The following VPS13D variants were observed in gnomAD, a reference collection of about 807,000 sequenced individuals.
The protein encoded by VPS13D is vacuolar protein sorting 13 homolog D, also known as intermembrane lipid transfer protein VPS13D.
VPS13D carries 187 observed loss-of-function variants against 461.9 expected under a neutral mutation model. That is an observed-to-expected ratio of 0.40 (90% CI 0.36 to 0.46). The LOEUF is 0.46. Ranked by LOEUF, VPS13D falls within the 20% of genes least tolerant of loss-of-function variation. VPS13D has a pLI of 0.60. For synonymous variants in VPS13D, 1,951 were observed against 1,986.3 expected (o/e 0.98, Z 0.47); for missense variants, 4,711 against 5,364.9 (o/e 0.88, Z 3.81).
intron 65 of VPS13D, among the ~76,000 whole-genome samples, chr1:12,446,784 G>C (rs1404636962): frequency 6.6e-6 from 1 of 152,164 alleles, no homozygotes; most frequent in Non-Finnish European, 1.5e-5. Flanking sequence ...TCCTCCATAG[G>C]CAGCACCTCT....
At chr1:12,464,428 A>T (rs775377354) in intron 67 of VPS13D, among the ~76,000 whole-genome samples, 2 of 152,132 alleles carry the variant, frequency 1.3e-5, no homozygotes, top group Non-Finnish European at 2.9e-5. Flanking sequence ...GTTTTAAAAG[A>T]CCCAAATTTT....
Position 12,341,805 on chromosome 1 carries a change from G to A in VPS13D, c.8652G>A (p.Arg2884=). 6.2e-7 allele frequency: 1 copy of A among 1,613,952 alleles called. No homozygotes were observed. The highest frequency in any genetic ancestry group is 8.5e-7 in the Non-Finnish European group (1 of 1,179,962). Reference sequence around the variant, plus strand: ...CAGAGGTGAAAACCCCCAAGCGCCGGCAGCCATTTGTCCCCTTTGCTCTGA... The same window carrying A: ...CAGAGGTGAAAACCCCCAAGCGCCGACAGCCATTTGTCCCCTTTGCTCTGA... The part of the protein sequence containing the change: ...ARAEVKTPKR[R]QPFVPFALRN... The change falls in exon 41 of 70, where the codon CGG becomes CGA. Residue 2884 remains arginine, a synonymous_variant. Transcript: ENST00000620676.
rs78067031 is a variant in VPS13D at position 12,257,968 on chromosome 1, T to C, written c.975T>C (p.Ala325=). 6.1e-4 allele frequency: 982 copies of C among 1,614,244 alleles called. 3 individuals are homozygous for C. In the African/African-American group the frequency reaches 0.011, roughly 18 times the overall value. The part of the protein sequence containing the change: ...CREWWYFALN[A]NLYEIREQRK... ...AATGGTGGTATTTTGCTTTGAATGC[T>C]AACTTGTATGAGATCAGAGAGCAGA... Residue 325 remains alanine, a synonymous_variant, in exon 10 of 70, where the codon GCT becomes GCC. Transcript: ENST00000620676.
intron 46 of VPS13D, among the ~76,000 whole-genome samples, chr1:12,352,681 C>T (rs1296847053): frequency 6.6e-6 from 1 of 151,910 alleles, no homozygotes; most frequent in Non-Finnish European, 1.5e-5. Context: ...AAGTTAAGTA[C>T]TGGCCGGGCA....
intron 46 of VPS13D, among the ~76,000 whole-genome samples, chr1:12,350,060 T>C (rs1266818316): frequency 6.6e-6 from 1 of 152,198 alleles, no homozygotes; most frequent in East Asian, 1.9e-4. Flanking sequence ...CTGCAAATTG[T>C]TAACAGACTA....
intron 44 of VPS13D, among the ~76,000 whole-genome samples, chr1:12,347,790 C>T (rs922486486): frequency 6.6e-6 from 1 of 152,190 alleles, no homozygotes; most frequent in African/African-American, 2.4e-5. Flanking sequence ...GACACTCATT[C>T]TAAGAGTAGT....
At chr1:12,255,245 A>G (rs1393684763) in intron 7 of VPS13D, among the ~76,000 whole-genome samples, 4 of 152,116 alleles carry the variant, frequency 2.6e-5, no homozygotes, top group Non-Finnish European at 4.4e-5. Context: ...CATGCCCGGC[A>G]GGTTTTTGTT....
intron 60 of VPS13D, among the ~76,000 whole-genome samples, chr1:12,393,599 A>G (rs1246452233): frequency 2.0e-5 from 3 of 152,246 alleles, no homozygotes; most frequent in Non-Finnish European, 4.4e-5. Context: ...CAAATGGAAG[A>G]GTTGAACAAG....
At chr1:12,269,638 T>C (rs1641374820) in intron 16 of VPS13D, among the ~76,000 whole-genome samples, 1 of 152,228 alleles carries the variant, frequency 6.6e-6, no homozygotes, top group African/African-American at 2.4e-5. Flanking sequence ...CACTGATTTA[T>C]TTATGCCTCC....
chr1:12,287,242 C>T (rs1055944025), intron 21 of VPS13D, among the ~76,000 whole-genome samples: 1 of 152,196 alleles, frequency 6.6e-6, no homozygotes, highest in Admixed American at 6.5e-5. Flanking sequence ...AATCATACTG[C>T]AAGGGAACTG....
intron 50 of VPS13D, among the ~76,000 whole-genome samples, chr1:12,361,459 G>A (rs1379995130): frequency 2.0e-5 from 3 of 148,446 alleles, no homozygotes; most frequent in East Asian, 3.9e-4. Context: ...GCAGTGGCGG[G>A]ATCTCGGCTC....
At chr1:12,251,454 G>C (rs936261455) in intron 6 of VPS13D, among the ~76,000 whole-genome samples, 1 of 152,126 alleles carries the variant, frequency 6.6e-6, no homozygotes, top group Non-Finnish European at 1.5e-5. Context: ...TGATCTCCAG[G>C]ATCTTTCCAT....
At position 12,349,151 on chromosome 1, in the gene VPS13D, A is replaced by G. The variant is rs1274155026; in HGVS notation, c.9221-13A>G. ...CCATTGCCTGAAAGTGTTAACCCTT[A>G]TTTCTGTGGCAGAGCCAGTGGTGCT... On this transcript the variant is annotated splice_polypyrimidine_tract_variant and intron_variant, in intron 45 of 69. Coordinates refer to ENST00000620676, the MANE Select transcript of VPS13D (RefSeq NM_015378.4). 6 of 1,613,060 alleles carry G rather than the reference A, an allele frequency of 3.7e-6. No homozygotes were observed.
At chr1:12,263,800 C>G (rs984973363) in intron 13 of VPS13D, among the ~76,000 whole-genome samples, 2 of 152,194 alleles carry the variant, frequency 1.3e-5, no homozygotes, top group African/African-American at 4.8e-5. Context: ...ATTGAAAAGG[C>G]ACTATTTAAA....
At chr1:12,289,190 C>G (rs1167673637) in intron 22 of VPS13D, among the ~76,000 whole-genome samples, 2 of 151,910 alleles carry the variant, frequency 1.3e-5, no homozygotes, top group African/African-American at 2.4e-5. Context: ...TAGTTGAATA[C>G]AAGTGATCAA....
Position 12,341,880 on chromosome 1 carries a change from C to T in VPS13D, c.8727C>T (p.Pro2909=). ...TLWFATLTTT[P]TRAALSHSGS... ...GGTTTGCCACCCTGACCACCACACC[C>T]ACCAGGTAAGCAGTCAGTTTATATT... The change falls in exon 41 of 70, where the codon CCC becomes CCT. Residue 2909 remains proline (P), a synonymous_variant. Transcript: ENST00000620676. The T allele has an allele frequency of 1.9e-6, 3 of 1,614,034 alleles. No homozygotes were observed. The highest frequency in any genetic ancestry group is 2.5e-6 in the Non-Finnish European group (3 of 1,179,940).
rs1346949660 is a variant in VPS13D at position 12,502,500 on chromosome 1, C to A, written c.12795-4353C>A. Among the ~76,000 whole-genome samples, 1 of 152,052 alleles carries A rather than the reference C, an allele frequency of 6.6e-6. No individual in the cohort carries two copies. The highest frequency in any genetic ancestry group is 1.5e-5 in the Non-Finnish European group (1 of 68,004). The stretch of plus-strand genomic sequence containing the variant: ...CACTCAGAGCGACACTGGGCCCAGA[C>A]ATGGAGTCAGGGCCATAGGTGGACC... On this transcript the variant is annotated intron_variant, in intron 68 of 69. Transcript: ENST00000620676. The surrounding 1 kb of genome is among the most constrained non-coding windows in gnomAD (Gnocchi z 4.3).
At chr1:12,242,666 T>G in intron 3 of VPS13D, 76 bp downstream of exon 3, 2 of 1,278,260 alleles carry the variant, frequency 1.6e-6, no homozygotes, top group Non-Finnish European at 2.3e-6. Flanking sequence ...AGCCCTGGAG[T>G]TTGTATTGAT....
At chr1:12,434,360 C>T (rs1645032612) in intron 65 of VPS13D, among the ~76,000 whole-genome samples, 1 of 151,984 alleles carries the variant, frequency 6.6e-6, no homozygotes, top group African/African-American at 2.4e-5. Flanking sequence ...AAGGGTGCTG[C>T]TGGGAGGATG....
Sources: allele counts gnomAD v4.1 joint callset (sites outside exome capture counted in the v4.1 genomes callset), GRCh38; gene constraint gnomAD v4.1.1; non-coding constraint Gnocchi (gnomAD v3.1); transcripts MANE v1.5; gene names NCBI Gene and HGNC (gene_info 2026-07-23, HGNC 2026-07-21).